The following TBC1D8B variants were observed in gnomAD, a reference collection of about 807,000 sequenced individuals.
The protein encoded by TBC1D8B is TBC1 domain family member 8B.
In TBC1D8B, 75 loss-of-function variants were observed where a neutral mutation model predicts 82.9. The ratio of observed to expected loss-of-function variants is 0.90; its 90% CI spans 0.75 to 1.10. The LOEUF is 1.10. Ranked by LOEUF, TBC1D8B falls within the 50% of genes least tolerant of loss-of-function variation. The pLI is 0.00. For synonymous variants in TBC1D8B, 276 were observed against 276.8 expected, an observed-to-expected ratio of 1.00 and a Z score of 0.03; for missense variants, 794 against 796.9, an observed-to-expected ratio of 1.00 and a Z score of 0.04.
At chrX:106,850,952 A>G (rs1042221767) in intron 12 of TBC1D8B, among the ~76,000 whole-genome samples, 2 of 111,693 alleles carry the variant, frequency 1.8e-5, no homozygotes, top group African/African-American at 6.5e-5. Context: ...ATGCTTCTAC[A>G]TACCCTATAT....
At chrX:106,867,748 G>C (rs2147773907) in intron 17 of TBC1D8B, among the ~76,000 whole-genome samples, 1 of 111,509 alleles carries the variant, frequency 9.0e-6, no homozygotes, top group Non-Finnish European at 1.9e-5. Context: ...GCTTTTCTCA[G>C]GATAGCCGGG....
At chrX:106,838,529 C>A (rs1932229445) in intron 7 of TBC1D8B, among the ~76,000 whole-genome samples, 1 of 111,799 alleles carries the variant, frequency 8.9e-6, no homozygotes, top group Non-Finnish European at 1.9e-5. Flanking sequence ...TGTCCCATTT[C>A]TTTCCTAGGC....
intron 5 of TBC1D8B, among the ~76,000 whole-genome samples, chrX:106,823,744 T>A (rs1317274247): frequency 8.9e-6 from 1 of 111,979 alleles, no homozygotes; most frequent in African/African-American, 3.2e-5. Context: ...CTTTTAGAAA[T>A]GCAGAGATTT....
chrX:106,831,090 T>C (rs1932035485), intron 7 of TBC1D8B, among the ~76,000 whole-genome samples: 1 of 110,707 alleles, frequency 9.0e-6, no homozygotes, highest in Non-Finnish European at 1.9e-5. Flanking sequence ...GAACCCCAAG[T>C]TTTAATAGAT....
chrX:106,875,850 T>C lies in TBC1D8B; in HGVS notation c.*1885T>C, dbSNP rs1932884822. ...GAATAGTACAGATTGCTGAGTATTA[T>C]ACTTTAGGCTAGATTAATTAAAATT... On this transcript the variant is annotated 3_prime_UTR_variant, in exon 21 of 21. Transcript: ENST00000357242. 1 of 112,498 alleles carries C rather than the reference T, an allele frequency of 8.9e-6. No individual in the cohort carries two copies. The highest frequency in any genetic ancestry group is 3.2e-5 in the African/African-American group (1 of 31,000). The allele number at this position is 112,498 out of a possible 1,213,427, so 9.3% of individuals were successfully genotyped here. A position where few individuals can be genotyped will look rare whatever the true frequency, so the allele number is the denominator to read the frequency against.
intron 7 of TBC1D8B, among the ~76,000 whole-genome samples, chrX:106,835,431 G>A (rs1208095977): frequency 8.9e-6 from 1 of 112,296 alleles, no homozygotes; most frequent in East Asian, 2.8e-4. Context: ...TAGGCTTCCA[G>A]GCCTGTGATG....
chrX:106,870,702 C>T lies in TBC1D8B; in HGVS notation c.2870-14C>T. ...GGCTGTTCCTTATGAAATGGTTTTA[C>T]TCCCTTTCTTCAGGCAAAGGGAAAA... On this transcript the variant is annotated splice_polypyrimidine_tract_variant and intron_variant, in intron 19 of 20. Coordinates refer to ENST00000357242, the MANE Select transcript of TBC1D8B (RefSeq NM_017752.3). 1.8e-6 allele frequency: 2 copies of T among 1,127,103 alleles called. No homozygotes were observed. The highest frequency in any genetic ancestry group is 2.4e-6 in the Non-Finnish European group (2 of 822,338). 92.9% of individuals were successfully genotyped at this position (1,127,103 alleles called of 1,213,427 possible).
chrX:106,865,415 TATA>T (rs1443615348), intron 14 of TBC1D8B, 141 bp from the exon 15 acceptor site: 9 of 310,307 alleles, frequency 2.9e-5, no homozygotes, highest in African/African-American at 5.4e-5. Context: ...TATAATAACT[TATA>T]ATAACTTTTT....
rs1179425231 is a variant in TBC1D8B at position 106,827,219 on chromosome X, G to A, written c.1085G>A (p.Ser362Asn). Residue 362 changes from serine to asparagine, a missense_variant, in exon 7 of 21, where the codon AGC (serine) becomes AAC (asparagine). Ser to Asn is a conservative substitution (Grantham distance 46). Coordinates refer to ENST00000357242, the MANE Select transcript of TBC1D8B (RefSeq NM_017752.3). ...TNDSSKSVII[S>N]IKGKTAFRFH... is the part of the protein sequence containing the mutation. The stretch of plus-strand genomic sequence containing the variant: ...GATTCCAGCAAATCTGTCATCATTA[G>A]CATCAAAGGAAAAACAGCTTTTCGC... 1.6e-5 allele frequency: 19 copies of A among 1,209,399 alleles called. No individual in the cohort carries two copies. The highest frequency in any genetic ancestry group is 2.0e-5 in the Non-Finnish European group (18 of 894,826).
chrX:106,850,308 C>A lies in TBC1D8B; in HGVS notation c.2121C>A (p.Asn707Lys). The stretch of plus-strand genomic sequence containing the variant: ...ATGCTGAAGCTGTGACAGCCTTAAA[C>A]AGGTATTGTAAGAACCATAACATTT... ...KDDAEAVTAL[N>K]RFFDNVTNKD... The change falls in exon 12 of 21, where the codon AAC (asparagine) becomes AAA (lysine). Residue 707 changes from asparagine to lysine, a missense_variant and splice_region_variant. By Grantham distance (94) the Asn-to-Lys change is moderately conservative. Coordinates refer to ENST00000357242, the MANE Select transcript of TBC1D8B (RefSeq NM_017752.3). The A allele has an allele frequency of 8.4e-7, 1 of 1,191,720 alleles. No homozygotes were observed. Among genetic ancestry groups the A allele is most frequent in the Non-Finnish European group, 1.1e-6 (1 of 886,368 alleles).
rs1193341711 is a variant in TBC1D8B, at chrX:106,873,872, A to T, written c.3270A>T (p.Pro1090=). The T allele has an allele frequency of 1.7e-6, 2 of 1,209,120 alleles. No individual in the cohort carries two copies. Among genetic ancestry groups the T allele is most frequent in the Non-Finnish European group, 2.2e-6 (2 of 895,013 alleles). The part of the protein sequence containing the change: ...EQILASLLNE[P]ALVRFFEKPI... ...TTCTTGCATCGCTGTTGAATGAACC[A>T]GCATTGGTGAGGTTTTTTGAGAAAC... Residue 1090 remains proline (P), a synonymous_variant, in exon 21 of 21, where the codon CCA becomes CCT. Transcript: ENST00000357242.
At position 106,850,108 on chromosome X, in the gene TBC1D8B, T is replaced by G. The variant is rs754825991; in HGVS notation, c.1921T>G (p.Phe641Val). The G allele has an allele frequency of 8.3e-7, 1 of 1,211,643 alleles. No individual in the cohort carries two copies. Among genetic ancestry groups the G allele is most frequent in the South Asian group, 1.8e-5 (1 of 56,923 alleles). ...QLTEHMTDMT[F>V]FSSVSLSWFL... ...GACAGAACACATGACTGATATGACA[T>G]TCTTTTCCTCAGTTTCTCTCTCTTG... is the stretch of plus-strand genomic sequence containing the variant. Residue 641 changes from phenylalanine (F) to valine (V), a missense_variant, in exon 12 of 21, where the codon TTC becomes GTC. Transcript: ENST00000357242.
intron 1 of TBC1D8B, chrX:106,815,318 G>T (rs1232902927): frequency 3.6e-5 from 4 of 111,230 alleles, no homozygotes; most frequent in African/African-American, 6.5e-5. Context: ...TTTCCCCATT[G>T]CTTGTTTTTG....
rs1457806678 is a variant in TBC1D8B at position 106,874,515 on chromosome X, C to T, written c.*550C>T. On this transcript the variant is annotated 3_prime_UTR_variant, in exon 21 of 21. Transcript: ENST00000357242. ...ATATTATTAATTTTTTTAAGTTAAT[C>T]TCATTCAGTCTTCTAGTAATAAATG... 1 of 111,473 alleles carries T rather than the reference C, an allele frequency of 9.0e-6. No individual in the cohort carries two copies. The highest frequency in any genetic ancestry group is 1.9e-5 in the Non-Finnish European group (1 of 53,128). The allele number at this position is 111,473 out of a possible 1,213,427, so 9.2% of individuals were successfully genotyped here.
At position 106,802,830 on chromosome X, in the gene TBC1D8B, C is replaced by G; in HGVS notation, c.-24C>G. 8.3e-7 allele frequency: 1 copy of G among 1,209,698 alleles called. No homozygotes were observed. The highest frequency in any genetic ancestry group is 1.8e-5 in the South Asian group (1 of 56,683). Reference sequence around the variant, plus strand: ...GGTGAGGAGGGCATCTAGGTCACTGCTCCCGGGGGGCACAAAGTTCGCGAT... The same window carrying G: ...GGTGAGGAGGGCATCTAGGTCACTGGTCCCGGGGGGCACAAAGTTCGCGAT... On this transcript the variant is annotated 5_prime_UTR_variant, in exon 1 of 21. Coordinates refer to ENST00000357242, the MANE Select transcript of TBC1D8B (RefSeq NM_017752.3).
Position 106,822,152 on chromosome X carries a change from A to G in TBC1D8B, c.536A>G (p.Tyr179Cys). ...KGRVPCQGWLYLSTNFLSFYS... is the reference protein window; with the variant it reads ...KGRVPCQGWLCLSTNFLSFYS... ...CGGGTTCCTTGTCAGGGTTGGCTTT[A>G]TCTTAGCACCAACTTTCTGAGCTTC... The change falls in exon 4 of 21, where the codon TAT becomes TGT. Residue 179 changes from tyrosine to cysteine, a missense_variant. Physicochemically the swap from Tyr to Cys is radical, Grantham distance 194. Coordinates refer to ENST00000357242, the MANE Select transcript of TBC1D8B (RefSeq NM_017752.3). The G allele has an allele frequency of 8.3e-7, 1 of 1,208,005 alleles. No individual in the cohort carries two copies. The highest frequency in any genetic ancestry group is 1.1e-6 in the Non-Finnish European group (1 of 894,181).
chrX:106,811,218 A>G (rs1931360387), intron 1 of TBC1D8B, among the ~76,000 whole-genome samples: 1 of 111,463 alleles, frequency 9.0e-6, no homozygotes, highest in African/African-American at 3.3e-5. Flanking sequence ...ACTATAAAGA[A>G]CTGAAGTTTT....
rs371937640 is a variant in TBC1D8B at position 106,873,106 on chromosome X, T to C, written c.2968-464T>C. On this transcript the variant is annotated intron_variant, in intron 20 of 20. Transcript: ENST00000357242. ...TTTTCTTCCATGGTTCATACTCATC[T>C]TTTTTTTTAAGATGGAGTTTCTCTC... is the stretch of plus-strand genomic sequence containing the variant. Among the ~76,000 whole-genome samples the C allele has an allele frequency of 3.6e-5, 4 of 110,948 alleles. No homozygotes were observed. In the East Asian group the frequency reaches 8.5e-4, roughly 24 times the overall value.
intron 11 of TBC1D8B, chrX:106,849,220 ATTT>A (rs761948032): frequency 0.021 from 17,272 of 840,497 alleles, 3 homozygotes; most frequent in African/African-American, 0.055. Context: ...TTATTTGTGT[ATTT>A]TTTTTTTTTT....
Sources: gnomAD v4.1 joint callset for allele counts (sites outside exome capture counted in the v4.1 genomes callset) on GRCh38, gnomAD v4.1.1 for gene constraint, MANE v1.5 for transcripts, NCBI Gene and HGNC (gene_info 2026-07-23, HGNC 2026-07-21) for gene names.